NFATC3: variants seen among roughly 807,000 people sequenced by gnomAD.
NFATC3 encodes nuclear factor of activated T cells 3.
A neutral mutation model predicts 98.6 loss-of-function variants in NFATC3; 46 were observed. The ratio of observed to expected loss-of-function variants is 0.47; its 90% CI spans 0.37 to 0.60. The LOEUF (loss-of-function observed/expected upper bound fraction) is 0.60. Among genes scored for constraint, NFATC3 ranks in the 20% least tolerant of loss-of-function variants. The probability of loss-of-function intolerance (pLI) is 0.00; values close to 1 mark genes in which losing one functional copy is unlikely to be tolerated. For synonymous variants in NFATC3, 512 were observed against 472.2 expected (o/e 1.08, Z -1.09); for missense variants, 1,256 against 1,295.5 (o/e 0.97, Z 0.47).
intron 3 of NFATC3, among the ~76,000 whole-genome samples, chr16:68,133,584 C>T (rs775904976): frequency 1.3e-5 from 2 of 152,068 alleles, no homozygotes; most frequent in African/African-American, 2.4e-5. Flanking sequence ...TCCCTTGTAC[C>T]CCTTCCCAGT....
chr16:68,190,214 A>C (rs893104734), intron 8 of NFATC3, among the ~76,000 whole-genome samples: 3 of 152,206 alleles, frequency 2.0e-5, no homozygotes, highest in Non-Finnish European at 2.9e-5. Flanking sequence ...ACATGATGGC[A>C]GAGGATCAAG....
chr16:68,122,728 G>T lies in NFATC3; in HGVS notation c.845G>T (p.Cys282Phe). ...CGGAGGCACTCCAGTGCTGAAGTTT[G>T]TTATGCTGGGTCCCTTTCACCCCAT... is the stretch of plus-strand genomic sequence containing the variant. ...GKRRHSSAEVCYAGSLSPHHS... is the reference protein window; with the variant it reads ...GKRRHSSAEVFYAGSLSPHHS... Residue 282 changes from cysteine (C) to phenylalanine (F), a missense_variant, in exon 2 of 10, where the codon TGT (cysteine) becomes TTT (phenylalanine). Around this residue, in one of 3 missense-constraint regions of NFATC3, gnomAD observed 464 missense variants for 465.7 expected, o/e 1.00. Transcript: ENST00000346183. 1 of 1,614,206 alleles carries T rather than the reference G, an allele frequency of 6.2e-7. No individual in the cohort carries two copies. Among genetic ancestry groups the T allele is most frequent in the Admixed American group, 1.7e-5 (1 of 60,024 alleles).
intron 9 of NFATC3, among the ~76,000 whole-genome samples, chr16:68,208,023 A>T (rs1329136998): frequency 6.6e-6 from 1 of 151,644 alleles, no homozygotes. Context: ...TGTCTATCCA[A>T]ATCCTTTATT....
At position 68,214,582 on chromosome 16, in the gene NFATC3, A is replaced by G. The variant is rs72790397; in HGVS notation, c.3107-11768A>G. The G allele has an allele frequency of 2.3e-3, 1,481 of 633,450 alleles. 6 individuals are homozygous for G. The highest frequency in any genetic ancestry group is 3.3e-3 in the Non-Finnish European group (1,151 of 351,686). 39.2% of individuals were successfully genotyped at this position (633,450 alleles called of 1,614,324 possible). Reference sequence around the variant, plus strand: ...TTATCTTTGGAACTACACTTTGACTAAAAGACTCTGCTTTTTAAACTTAAC... The same window carrying G: ...TTATCTTTGGAACTACACTTTGACTGAAAGACTCTGCTTTTTAAACTTAAC... On this transcript the variant is annotated intron_variant, in intron 9 of 9. Coordinates refer to ENST00000346183, the MANE Select transcript of NFATC3 (RefSeq NM_173165.3).
Position 68,157,962 on chromosome 16 carries a change from C to T in NFATC3, c.1495C>T (p.His499Tyr). Reference sequence around the variant, plus strand: ...ACGACCTCATGCATTTTACCAGGTGCATCGAATCACTGGGAAGACAGTCGC... The same window carrying T: ...ACGACCTCATGCATTTTACCAGGTGTATCGAATCACTGGGAAGACAGTCGC... ...YLRPHAFYQVHRITGKTVATA... is the reference protein window; with the variant it reads ...YLRPHAFYQVYRITGKTVATA... The change falls in exon 4 of 10, where the codon CAT (histidine) becomes TAT (tyrosine). Residue 499 changes from histidine to tyrosine, a missense_variant. Physicochemically the swap from His to Tyr is moderately conservative, Grantham distance 83. Transcript: ENST00000346183. The T allele has an allele frequency of 6.2e-7, 1 of 1,613,910 alleles. No homozygotes were observed. Among genetic ancestry groups the T allele is most frequent in the Non-Finnish European group, 8.5e-7 (1 of 1,179,888 alleles).
intron 9 of NFATC3, among the ~76,000 whole-genome samples, chr16:68,199,246 CAG>C (rs2040804601): frequency 6.8e-6 from 1 of 147,826 alleles, no homozygotes; most frequent in East Asian, 2.0e-4. Flanking sequence ...TTTTTTGAGA[CAG>C]AGTCTCGCTC....
chr16:68,219,207 C>CTCTACTAAA (rs2041760023), intron 9 of NFATC3, among the ~76,000 whole-genome samples: 2 of 151,774 alleles, frequency 1.3e-5, no homozygotes, highest in Admixed American at 1.3e-4. Flanking sequence ...ATGGTGAAAC[C>CTCTACTAAA]CCGCCTCTAC....
chr16:68,174,103 C>T (rs1489570209), intron 5 of NFATC3, among the ~76,000 whole-genome samples: 1 of 152,214 alleles, frequency 6.6e-6, no homozygotes, highest in African/African-American at 2.4e-5. Context: ...GCTAGGATCA[C>T]ATCACTGTGC....
chr16:68,110,525 A>G (rs1420677167), intron 1 of NFATC3, among the ~76,000 whole-genome samples: 1 of 150,846 alleles, frequency 6.6e-6, no homozygotes, highest in Admixed American at 6.6e-5. Context: ...CGTGTTAGCC[A>G]GGATGGTCTC....
At chr16:68,204,472 CAT>C (rs1193952542) in intron 9 of NFATC3, among the ~76,000 whole-genome samples, 6 of 152,310 alleles carry the variant, frequency 3.9e-5, no homozygotes, top group East Asian at 3.9e-4. Context: ...TCTTTGCAAT[CAT>C]GTGTGAAATG....
At position 68,191,575 on chromosome 16, in the gene NFATC3, T is replaced by C; in HGVS notation, c.2906T>C (p.Met969Thr). The C allele has an allele frequency of 6.2e-7, 1 of 1,614,160 alleles. No individual in the cohort carries two copies. Among genetic ancestry groups the C allele is most frequent in the Non-Finnish European group, 8.5e-7 (1 of 1,180,028 alleles). The stretch of plus-strand genomic sequence containing the variant: ...TCATCACCGTCTCCAGCCACCAGAA[T>C]GCATTCTGGACAGCACTCAACTCAA... ...TASSPSPATRMHSGQHSTQAQ... is the reference protein window; with the variant it reads ...TASSPSPATRTHSGQHSTQAQ... Residue 969 changes from methionine to threonine, a missense_variant, in exon 9 of 10, where the codon ATG (methionine) becomes ACG (threonine). By Grantham distance (81) the Met-to-Thr change is moderately conservative. Around this residue, in one of 3 missense-constraint regions of NFATC3, gnomAD observed 636 missense variants for 617.3 expected, o/e 1.03. Coordinates refer to ENST00000346183, the MANE Select transcript of NFATC3 (RefSeq NM_173165.3).
Position 68,166,974 on chromosome 16 carries a change from A to T in NFATC3, c.1733A>T (p.Lys578Ile), listed in dbSNP as rs1567530238. Reference protein sequence around the residue: ...FRVHIPQPSGKVLSLQIASIP... With the variant: ...FRVHIPQPSGIVLSLQIASIP... The stretch of plus-strand genomic sequence containing the variant: ...GTACACATCCCACAGCCCAGTGGAA[A>T]AGTCCTTTCTCTGCAGATAGCCTCT... The change falls in exon 5 of 10, where the codon AAA (lysine) becomes ATA (isoleucine). Residue 578 changes from lysine (K) to isoleucine (I), a missense_variant. Lys to Ile is a moderately radical substitution (Grantham distance 102, BLOSUM62 -3). Transcript: ENST00000346183. 1 of 1,614,134 alleles carries T rather than the reference A, an allele frequency of 6.2e-7. No homozygotes were observed. Among genetic ancestry groups the T allele is most frequent in the East Asian group, 2.2e-5 (1 of 44,876 alleles).
Position 68,181,461 on chromosome 16 carries a change from C to CT in NFATC3, c.1916-11dup. ...TATGAATTGCTTTTAACTATAAACT[C>CT]TTTCTTTCAATAGATGGACGACCTC... On this transcript the variant is annotated splice_polypyrimidine_tract_variant and intron_variant, in intron 6 of 9. Transcript: ENST00000346183. 6.2e-7 allele frequency: 1 copy of CT among 1,605,042 alleles called. No individual in the cohort carries two copies.
At chr16:68,190,735 T>TAATA (rs779633267) in intron 8 of NFATC3, 33 bp from the exon 9 acceptor site, 1 of 1,560,532 alleles carries the variant, frequency 6.4e-7, no homozygotes, top group Non-Finnish European at 8.7e-7. Context: ...ATGTATTGTA[T>TAATA]AATAATATTT....
At chr16:68,204,023 A>C (rs970163027) in intron 9 of NFATC3, among the ~76,000 whole-genome samples, 2 of 152,002 alleles carry the variant, frequency 1.3e-5, no homozygotes, top group African/African-American at 4.8e-5. Context: ...CCCCGTCTCT[A>C]CTGAAAATAC....
chr16:68,161,260 ACTGT>A (rs2038879311), intron 4 of NFATC3, among the ~76,000 whole-genome samples: 1 of 152,138 alleles, frequency 6.6e-6, no homozygotes, highest in Non-Finnish European at 1.5e-5. Flanking sequence ...TCACCTTTGA[ACTGT>A]CTTTTTCCAA....
In NFATC3 at chr16:68,191,751, C is replaced by T. The variant is rs1388837890; in HGVS notation, c.3082C>T (p.Leu1028=). The change falls in exon 9 of 10, where the codon CTG becomes TTG. Residue 1028 remains leucine, a synonymous_variant. Coordinates refer to ENST00000346183, the MANE Select transcript of NFATC3 (RefSeq NM_173165.3). ...AGAGCCTAACTTTGCAACCATTGGT[C>T]TGCAGGACATCACTTTAGATGATGG... The part of the protein sequence containing the change: ...DREPNFATIG[L]QDITLDDVNE... The T allele has an allele frequency of 6.2e-7, 1 of 1,614,132 alleles. No individual in the cohort carries two copies. The highest frequency in any genetic ancestry group is 8.5e-7 in the Non-Finnish European group (1 of 1,180,038).
intron 7 of NFATC3, among the ~76,000 whole-genome samples, chr16:68,182,058 A>G (rs2039971289): frequency 6.6e-6 from 1 of 152,248 alleles, no homozygotes; most frequent in African/African-American, 2.4e-5. Flanking sequence ...AGGAGAAACT[A>G]GAAATGAAAG....
intron 9 of NFATC3, among the ~76,000 whole-genome samples, chr16:68,219,871 C>T (rs1342892358): frequency 6.6e-6 from 1 of 152,172 alleles, no homozygotes; most frequent in East Asian, 1.9e-4. Context: ...TGTGAGGTTC[C>T]ATACTATATA....
Sources: gnomAD v4.1 joint callset for allele counts (sites outside exome capture counted in the v4.1 genomes callset) on GRCh38, gnomAD v4.1.1 for gene constraint, gnomAD v4.1.1 regional missense constraint, MANE v1.5 for transcripts, NCBI Gene and HGNC (gene_info 2026-07-23, HGNC 2026-07-21) for gene names.